The following PDE4D variants were observed in gnomAD, a reference collection of about 807,000 sequenced individuals.
PDE4D encodes 3',5'-cyclic-AMP phosphodiesterase 4D.
Under a neutral mutation model 87.4 loss-of-function variants are expected in PDE4D, and 24 were observed. The ratio of observed to expected loss-of-function variants is 0.27; its 90% confidence interval spans 0.20 to 0.39. The LOEUF (loss-of-function observed/expected upper bound fraction) is 0.39. PDE4D is among the 10% of genes least tolerant of loss of function. The pLI, the probability that PDE4D is intolerant of heterozygous loss-of-function variation, is 1.00. For missense variants in PDE4D, 714 were observed against 1,041.0 expected, an observed-to-expected ratio of 0.69 and a Z score of 4.32; for synonymous variants, 384 against 383.2, an observed-to-expected ratio of 1.00 and a Z score of -0.02.
chr5:59,527,338 A>C (rs1813344205), intron 1 of PDE4D, among the ~76,000 whole-genome samples: 1 of 152,248 alleles, frequency 6.6e-6, no homozygotes, highest in African/African-American at 2.4e-5. Flanking sequence ...CTATTAAAAT[A>C]TTCAAAACAC....
At chr5:60,456,902 T>C (rs1303362290) in intron 1 of PDE4D, among the ~76,000 whole-genome samples, 1 of 152,096 alleles carries the variant, frequency 6.6e-6, no homozygotes, top group Non-Finnish European at 1.5e-5. Context: ...TACCACCTGA[T>C]TTTTTTTCTT....
intron 1 of PDE4D, among the ~76,000 whole-genome samples, chr5:60,465,630 T>C (rs1747292675): frequency 6.6e-6 from 1 of 152,136 alleles, no homozygotes; most frequent in Non-Finnish European, 1.5e-5. Flanking sequence ...CAATATCTGA[T>C]ATTATAATTA....
intron 1 of PDE4D, among the ~76,000 whole-genome samples, chr5:59,584,508 C>G (rs144728678): frequency 2.6e-5 from 4 of 152,192 alleles, no homozygotes; most frequent in Non-Finnish European, 4.4e-5. Context: ...GGACTCTCAA[C>G]TTCTCCATAC....
intron 1 of PDE4D, among the ~76,000 whole-genome samples, chr5:60,209,227 C>T (rs754110830): frequency 9.1e-4 from 123 of 134,520 alleles, no homozygotes; most frequent in Non-Finnish European, 1.4e-3. Flanking sequence ...ATGAGCAGGT[C>T]GCCTGGGTTG....
At chr5:59,784,239 C>T (rs1581092878) in intron 1 of PDE4D, among the ~76,000 whole-genome samples, 2 of 140,052 alleles carry the variant, frequency 1.4e-5, no homozygotes, top group African/African-American at 2.7e-5. Context: ...AAGTAACTTC[C>T]TTTTTTTTTT....
intron 1 of PDE4D, among the ~76,000 whole-genome samples, chr5:59,408,204 A>G (rs959391390): frequency 1.3e-5 from 2 of 152,178 alleles, no homozygotes; most frequent in Non-Finnish European, 1.5e-5. Context: ...TACACTGTCT[A>G]CCTCAGGAGG....
intron 4 of PDE4D, among the ~76,000 whole-genome samples, chr5:59,183,070 A>G (rs1192499992): frequency 6.6e-6 from 1 of 152,202 alleles, no homozygotes; most frequent in Non-Finnish European, 1.5e-5. Context: ...TGATTCTCCC[A>G]GGGTCATCAT....
intron 1 of PDE4D, among the ~76,000 whole-genome samples, chr5:59,316,383 T>C (rs1230567433): frequency 6.6e-6 from 1 of 152,178 alleles, no homozygotes; most frequent in Non-Finnish European, 1.5e-5. Flanking sequence ...TTTTTAATGT[T>C]ACATTGATAG....
intron 1 of PDE4D, among the ~76,000 whole-genome samples, chr5:59,659,360 G>GA (rs1744874808): frequency 6.6e-6 from 1 of 152,186 alleles, no homozygotes; most frequent in South Asian, 2.1e-4. Flanking sequence ...TAAACAGGCA[G>GA]AAAAAACTTC....
At chr5:60,234,737 T>C (rs1746231247) in intron 1 of PDE4D, among the ~76,000 whole-genome samples, 1 of 152,040 alleles carries the variant, frequency 6.6e-6, no homozygotes, top group East Asian at 1.9e-4. Flanking sequence ...GTAGGTCTAT[T>C]TGGAATTTCT....
chr5:59,556,192 C>T (rs1357619902), intron 1 of PDE4D, among the ~76,000 whole-genome samples: 1 of 152,186 alleles, frequency 6.6e-6, no homozygotes, highest in Non-Finnish European at 1.5e-5. Context: ...GAGTGTCACA[C>T]TGCACTACTA....
chr5:59,200,037 A>G (rs1319940114), intron 2 of PDE4D, among the ~76,000 whole-genome samples: 1 of 64,726 alleles, frequency 1.5e-5, no homozygotes, highest in East Asian at 2.8e-4. Flanking sequence ...ATACATGCAC[A>G]CACACGTATG....
At chr5:59,892,160 A>G (rs1471307998) in intron 1 of PDE4D, among the ~76,000 whole-genome samples, 1 of 152,124 alleles carries the variant, frequency 6.6e-6, no homozygotes, top group Admixed American at 6.5e-5. Flanking sequence ...AAAGGGACCA[A>G]ACGTGGGCCC....
chr5:60,034,453 A>G (rs1031252718), intron 2 of PDE4D, among the ~76,000 whole-genome samples: 28 of 152,150 alleles, frequency 1.8e-4, no homozygotes, highest in Admixed American at 1.8e-3. Context: ...GCTTCACACC[A>G]ATTTCTACTT....
chr5:60,425,822 TAAAC>T (rs1743657250), intron 1 of PDE4D, among the ~76,000 whole-genome samples: 3 of 152,096 alleles, frequency 2.0e-5, no homozygotes, highest in Admixed American at 1.3e-4. Flanking sequence ...ACAAAGAACT[TAAAC>T]AAGTTTACAA....
chr5:59,846,026 G>A (rs1462415353), intron 1 of PDE4D, among the ~76,000 whole-genome samples: 1 of 152,036 alleles, frequency 6.6e-6, no homozygotes, highest in Non-Finnish European at 1.5e-5. Context: ...AAAGCAAATA[G>A]AAGGGTGATA....
chr5:60,159,582 T>C (rs1428764082), intron 2 of PDE4D, among the ~76,000 whole-genome samples: 1 of 152,190 alleles, frequency 6.6e-6, no homozygotes, highest in African/African-American at 2.4e-5. Context: ...GGCTGTGATA[T>C]CAGTAGAGCT....
At chr5:60,064,833 G>A (rs191655057) in intron 2 of PDE4D, among the ~76,000 whole-genome samples, 106 of 152,128 alleles carry the variant, frequency 7.0e-4, no homozygotes, top group Non-Finnish European at 1.1e-3. Context: ...AGGCCATATC[G>A]GGGTTAGATA....
chr5:59,451,826 T>C (rs1208054055), intron 1 of PDE4D, among the ~76,000 whole-genome samples: 3 of 152,196 alleles, frequency 2.0e-5, no homozygotes, highest in Admixed American at 6.5e-5. Flanking sequence ...CAAATGCCCA[T>C]GTCATTCCAC....
Sources: allele counts gnomAD v4.1 joint callset (sites outside exome capture counted in the v4.1 genomes callset), GRCh38; gene constraint gnomAD v4.1.1; transcripts MANE v1.5; gene names NCBI Gene and HGNC (gene_info 2026-07-23, HGNC 2026-07-21).